Variants in CMC2 observed in about 807,000 individuals in gnomAD.
The protein encoded by CMC2 is C-X9-C motif containing 2.
In CMC2, 5 loss-of-function variants were observed where a neutral mutation model predicts 7.5. The observed-to-expected ratio is 0.66, with a 90% CI of 0.35 to 1.40. CMC2 has a LOEUF of 1.40. CMC2 is among the 40% of genes most tolerant of loss of function. The probability of loss-of-function intolerance (pLI) is 0.04; values close to 1 mark genes in which losing one functional copy is unlikely to be tolerated. For missense variants in CMC2, 115 were observed against 92.3 expected, an observed-to-expected ratio of 1.25 and a Z score of -1.01; for synonymous variants, 37 against 31.4, an observed-to-expected ratio of 1.18 and a Z score of -0.60.
Position 80,972,437 on chromosome 16 carries a change from G to T in CMC2, c.*3656C>A, listed in dbSNP as rs1461110142. On this transcript the variant is annotated 3_prime_UTR_variant, in exon 4 of 4. Transcript: ENST00000219400. ...ACCAGGCAGATCAATGGCATAATTT[G>T]GTTCAGCCCAAGCCCTTTCTATAGA... is the stretch of plus-strand genomic sequence containing the variant. 3 of 151,980 alleles carry T rather than the reference G, an allele frequency of 2.0e-5. No homozygotes were observed. The highest frequency in any genetic ancestry group is 7.3e-5 in the African/African-American group (3 of 41,362). 9.4% of individuals were successfully genotyped at this position (151,980 alleles called of 1,614,324 possible).
intron 1 of CMC2, chr16:80,998,150 A>C (rs1968575588): frequency 1.4e-5 from 2 of 145,002 alleles, no homozygotes; most frequent in African/African-American, 5.2e-5. Context: ...TATGTTGCCC[A>C]GGCTGGTTTC....
intron 3 of CMC2, 57 bp downstream of exon 3, chr16:80,981,749 T>C: frequency 2.6e-6 from 3 of 1,145,122 alleles, no homozygotes; most frequent in Non-Finnish European, 3.8e-6. Flanking sequence ...ATACACAATA[T>C]TCAAAAATGT....
rs1912148846 is a variant in CMC2 at position 80,974,632 on chromosome 16, AC to A, written c.*1460del. ...TTGGAATAGCTCCTTCTTCATGAAG[AC>A]TGAACATGAAAGTCCTCTGTCTTCT... On this transcript the variant is annotated 3_prime_UTR_variant, in exon 4 of 4. Coordinates refer to ENST00000219400, the MANE Select transcript of CMC2 (RefSeq NM_020188.5). 6.6e-6 allele frequency: 1 copy of A among 152,246 alleles called. No homozygotes were observed. 9.4% of individuals were successfully genotyped at this position (152,246 alleles called of 1,614,324 possible). A position where few individuals can be genotyped will look rare whatever the true frequency, so the allele number is the denominator to read the frequency against.
At chr16:80,982,542 G>GAA (rs1967205436) in intron 2 of CMC2, 1 of 122,292 alleles carries the variant, frequency 8.2e-6, no homozygotes, top group African/African-American at 2.9e-5. Context: ...AAAAAAAAGT[G>GAA]AATACTAGTC....
rs1261239846 is a variant in CMC2 at position 80,970,877 on chromosome 16, C to A, written c.*5216G>T. 6.6e-6 allele frequency: 1 copy of A among 151,950 alleles called. No individual in the cohort carries two copies. The highest frequency in any genetic ancestry group is 2.4e-5 in the African/African-American group (1 of 41,366). The allele number at this position is 151,950 out of a possible 1,614,324, so 9.4% of individuals were successfully genotyped here. A position where few individuals can be genotyped will look rare whatever the true frequency, so the allele number is the denominator to read the frequency against. On this transcript the variant is annotated 3_prime_UTR_variant, in exon 4 of 4. Coordinates refer to ENST00000219400, the MANE Select transcript of CMC2 (RefSeq NM_020188.5). ...TTAGAATAAGTAATTTTAAAAATACCCCTTAGACACAAATCTAGCAAAAGA... is the reference window on the plus strand; with the variant it reads ...TTAGAATAAGTAATTTTAAAAATACACCTTAGACACAAATCTAGCAAAAGA...
chr16:80,989,086 T>A (rs1967770393), intron 2 of CMC2, among the ~76,000 whole-genome samples: 1 of 152,186 alleles, frequency 6.6e-6, no homozygotes, highest in Admixed American at 6.5e-5. Context: ...TTTTATTACC[T>A]AGGTAAGAAG....
chr16:81,005,996 A>G (rs1400614407), intron 1 of CMC2, among the ~76,000 whole-genome samples: 1 of 152,216 alleles, frequency 6.6e-6, no homozygotes, highest in Non-Finnish European at 1.5e-5. Context: ...TAAATCAACT[A>G]AACAAGTGCA....
At chr16:80,978,331 C>G in intron 3 of CMC2, 1 of 1,260,080 alleles carries the variant, frequency 7.9e-7, no homozygotes, top group Non-Finnish European at 1.0e-6. Flanking sequence ...TTGTAGCAGG[C>G]CAATAAAATA....
intron 3 of CMC2, among the ~76,000 whole-genome samples, chr16:80,979,590 CTATTTATTT>C (rs1326844591): frequency 1.3e-5 from 2 of 151,452 alleles, no homozygotes; most frequent in African/African-American, 4.9e-5. Flanking sequence ...TTTCCATAAG[CTATTTATTT>C]TATTTATTTT....
rs1275875612 is a variant in CMC2 at position 80,968,226 on chromosome 16, A to C, written c.*7867T>G. ...GTCAGGGTGGGGTCTAAAACTCTCC[A>C]TTTCTTTTTTTTATTTTTATTTTTG... On this transcript the variant is annotated 3_prime_UTR_variant, in exon 4 of 4. Transcript: ENST00000219400. 6.9e-6 allele frequency: 1 copy of C among 145,660 alleles called. No individual in the cohort carries two copies. Among genetic ancestry groups the C allele is most frequent in the Non-Finnish European group, 1.5e-5 (1 of 67,090 alleles). 9.0% of individuals were successfully genotyped at this position (145,660 alleles called of 1,614,324 possible).
intron 3 of CMC2, among the ~76,000 whole-genome samples, chr16:80,976,813 G>C (rs1291069628): frequency 6.6e-6 from 1 of 152,238 alleles, no homozygotes; most frequent in East Asian, 1.9e-4. Flanking sequence ...TTTAATTACA[G>C]ATAACCCACT....
chr16:80,985,909 A>AAAAAAAAAC (rs1303501141), intron 2 of CMC2, among the ~76,000 whole-genome samples: 1 of 151,480 alleles, frequency 6.6e-6, no homozygotes, highest in East Asian at 1.9e-4. Context: ...TGCAAAAAAA[A>AAAAAAAAAC]AAAAAAAAAC....
chr16:80,979,404 G>T (rs904680341), intron 3 of CMC2, among the ~76,000 whole-genome samples: 1 of 151,960 alleles, frequency 6.6e-6, no homozygotes, highest in East Asian at 1.9e-4. Context: ...GTCACTAACA[G>T]ATCTCAGGCC....
chr16:80,997,142 G>A (rs1001672577), intron 2 of CMC2, 172 bp downstream of exon 2: 36 of 606,088 alleles, frequency 5.9e-5, no homozygotes, highest in Admixed American at 5.9e-4. Flanking sequence ...AAAGGAGGTA[G>A]TTTGTGTAAA....
chr16:80,985,879 A>G (rs534987012), intron 2 of CMC2, among the ~76,000 whole-genome samples: 2 of 140,316 alleles, frequency 1.4e-5, no homozygotes, highest in South Asian at 4.9e-4. Context: ...GAAGACAGAA[A>G]TATCATTCTC....
chr16:80,978,406 C>A (rs9937731), intron 3 of CMC2: 290,679 of 1,241,478 alleles, frequency 0.23, 39,524 homozygotes, highest in African/African-American at 0.55. Context: ...AAAGGAAGTC[C>A]AGATGGTCCC....
chr16:80,999,752 C>T (rs1968717532), intron 1 of CMC2, among the ~76,000 whole-genome samples: 1 of 152,232 alleles, frequency 6.6e-6, no homozygotes, highest in East Asian at 1.9e-4. Context: ...GAAATAAAGC[C>T]ACACACTTTT....
intron 2 of CMC2, among the ~76,000 whole-genome samples, chr16:80,993,042 T>C (rs553777608): frequency 6.6e-6 from 1 of 152,334 alleles, no homozygotes; most frequent in South Asian, 2.1e-4. Context: ...TTAGTGTTTG[T>C]ATCGTTTCAT....
chr16:80,986,124 G>T (rs916743585), intron 2 of CMC2, among the ~76,000 whole-genome samples: 13 of 152,196 alleles, frequency 8.5e-5, no homozygotes, highest in African/African-American at 1.9e-4. Flanking sequence ...CAGGCGGGCG[G>T]ATCACCTGAG....
Sources: allele counts gnomAD v4.1 joint callset (sites outside exome capture counted in the v4.1 genomes callset), GRCh38; gene constraint gnomAD v4.1.1; transcripts MANE v1.5; gene names NCBI Gene and HGNC (gene_info 2026-07-23, HGNC 2026-07-21).